The following SCN3A variants were observed in gnomAD, a reference collection of about 807,000 sequenced individuals.
The protein encoded by SCN3A is sodium voltage-gated channel alpha subunit 3.
SCN3A carries 60 observed loss-of-function variants against 187.6 expected under a neutral mutation model. That is an observed-to-expected ratio of 0.32 (90% CI 0.26 to 0.40). SCN3A has a LOEUF of 0.40. Among genes scored for constraint, SCN3A ranks in the 10% least tolerant of loss-of-function variants. The pLI is 1.00. For missense variants in SCN3A, 1,601 were observed against 2,428.2 expected (o/e 0.66, Z 7.16); for synonymous variants, 788 against 829.2 (o/e 0.95, Z 0.85).
At chr2:165,189,433 GC>G (rs1322558244) in intron 1 of SCN3A, among the ~76,000 whole-genome samples, 5 of 152,124 alleles carry the variant, frequency 3.3e-5, no homozygotes, top group Non-Finnish European at 5.9e-5. Flanking sequence ...AAAACGGTTA[GC>G]CTGCATTTGA....
intron 9 of SCN3A, 121 bp downstream of exon 9, chr2:165,162,187 C>A: frequency 1.1e-6 from 1 of 873,092 alleles, no homozygotes. Flanking sequence ...CCTAGGGGAG[C>A]AGCACTGCTC....
At chr2:165,192,913 C>G (rs1420411230) in intron 1 of SCN3A, among the ~76,000 whole-genome samples, 3 of 152,114 alleles carry the variant, frequency 2.0e-5, no homozygotes, top group Non-Finnish European at 2.9e-5. Context: ...TGCAAACATT[C>G]TGTTCAACGT....
At chr2:165,185,974 A>G (rs1006835208) in intron 2 of SCN3A, among the ~76,000 whole-genome samples, 2 of 152,124 alleles carry the variant, frequency 1.3e-5, no homozygotes, top group African/African-American at 4.8e-5. Flanking sequence ...AAAGAAAAAT[A>G]TATAAAAAAC....
chr2:165,118,469 A>G (rs1304122022), intron 18 of SCN3A, among the ~76,000 whole-genome samples: 2 of 152,202 alleles, frequency 1.3e-5, no homozygotes, highest in Non-Finnish European at 2.9e-5. Flanking sequence ...AGCTTAGAAG[A>G]CGGTAGATTA....
chr2:165,143,118 T>C (rs1688112198), intron 12 of SCN3A, among the ~76,000 whole-genome samples: 1 of 152,130 alleles, frequency 6.6e-6, no homozygotes, highest in Admixed American at 6.5e-5. Context: ...TATATATTTT[T>C]AGGTCCCAGA....
At chr2:165,193,330 A>G (rs1691730897) in intron 1 of SCN3A, among the ~76,000 whole-genome samples, 1 of 152,178 alleles carries the variant, frequency 6.6e-6, no homozygotes, top group African/African-American at 2.4e-5. Context: ...ACCATAGTGA[A>G]AAAGCTACTT....
intron 12 of SCN3A, among the ~76,000 whole-genome samples, chr2:165,146,410 GTGTGTGTGTA>G: frequency 7.0e-6 from 1 of 143,044 alleles, no homozygotes; most frequent in Non-Finnish European, 1.5e-5. Flanking sequence ...GTGTGTGTGT[GTGTGTGTGTA>G]TAGACACATA....
rs912051042 is a variant in SCN3A, at chr2:165,091,117, T to C, written c.5036A>G (p.Tyr1679Cys). 7 of 1,613,914 alleles carry C rather than the reference T, an allele frequency of 4.3e-6. No individual in the cohort carries two copies. Among genetic ancestry groups the C allele is most frequent in the African/African-American group, 2.7e-5 (2 of 74,890 alleles). The change falls in exon 28 of 28, where the codon TAT becomes TGT. Residue 1679 changes from tyrosine to cysteine, a missense_variant. Transcript: ENST00000283254. ...ATCAATTCCAGCTTCCTTTTTAACA[T>C]AGGCAAAGTTGGACATCCCAAAGAT... ...YAIFGMSNFA[Y>C]VKKEAGIDDM...
At chr2:165,128,426 C>T (rs944281567) in intron 17 of SCN3A, among the ~76,000 whole-genome samples, 8 of 141,206 alleles carry the variant, frequency 5.7e-5, no homozygotes, top group African/African-American at 2.0e-4. Context: ...ATTCTGCCAA[C>T]GAGAGAGAGA....
intron 3 of SCN3A, 122 bp downstream of exon 3, chr2:165,176,009 G>A (rs997346358): frequency 5.8e-5 from 48 of 822,776 alleles, no homozygotes; most frequent in Non-Finnish European, 9.1e-5. Flanking sequence ...AAGTGACAGT[G>A]AAGAGTATTA....
chr2:165,116,901 C>T (rs1292500064), intron 18 of SCN3A, among the ~76,000 whole-genome samples: 1 of 150,456 alleles, frequency 6.6e-6, no homozygotes, highest in African/African-American at 2.4e-5. Flanking sequence ...AGAAGCTAGG[C>T]CATCACTTTT....
At chr2:165,118,984 G>C (rs1454236827) in intron 18 of SCN3A, among the ~76,000 whole-genome samples, 1 of 150,568 alleles carries the variant, frequency 6.6e-6, no homozygotes, top group Non-Finnish European at 1.5e-5. Context: ...GGATGGTCTT[G>C]ATCTCCTGAC....
intron 1 of SCN3A, among the ~76,000 whole-genome samples, chr2:165,191,801 C>CT (rs1691631589): frequency 1.3e-5 from 2 of 152,070 alleles, no homozygotes; most frequent in Admixed American, 6.6e-5. Context: ...GAATATTTGC[C>CT]TTTTTGGGGT....
intron 11 of SCN3A, among the ~76,000 whole-genome samples, chr2:165,149,933 A>G (rs895051406): frequency 1.2e-4 from 19 of 152,196 alleles, no homozygotes; most frequent in African/African-American, 4.3e-4. Flanking sequence ...TTTTATGTAT[A>G]TAATCCAGTT....
At chr2:165,202,007 C>T (rs756002746) in intron 1 of SCN3A, among the ~76,000 whole-genome samples, 8 of 152,052 alleles carry the variant, frequency 5.3e-5, no homozygotes, top group Non-Finnish European at 1.0e-4. Context: ...AGTAGCAGAA[C>T]ATGAACCAGA....
rs543261211 is a variant in SCN3A at position 165,152,013 on chromosome 2, G to A, written c.1380+2439C>T. On this transcript the variant is annotated intron_variant, in intron 11 of 27. Coordinates refer to ENST00000283254, the MANE Select transcript of SCN3A (RefSeq NM_006922.4). ...GGTCCTGCCTAACAAATTTTCAAAT[G>A]TTTAAAGATACAAAAGGATCAAACT... Among the ~76,000 whole-genome samples, 13 of 152,244 alleles carry A rather than the reference G, an allele frequency of 8.5e-5. No individual in the cohort carries two copies. The South Asian group carries it at 2.3e-3, about 27-fold the overall frequency.
intron 21 of SCN3A, among the ~76,000 whole-genome samples, chr2:165,103,669 C>T (rs1685715463): frequency 6.6e-6 from 1 of 152,068 alleles, no homozygotes; most frequent in South Asian, 2.1e-4. Flanking sequence ...AAGAATAATG[C>T]AGGATGGAGT....
chr2:165,177,591 A>G (rs1431328387), intron 2 of SCN3A, among the ~76,000 whole-genome samples: 4 of 152,268 alleles, frequency 2.6e-5, no homozygotes, highest in Non-Finnish European at 4.4e-5. Context: ...TGGAACCACA[A>G]TTGTGACTAC....
In SCN3A at chr2:165,090,915, A is replaced by G. The variant is rs959277809; in HGVS notation, c.5238T>C (p.Val1746=). 6 of 1,614,124 alleles carry G rather than the reference A, an allele frequency of 3.7e-6. No homozygotes were observed. The highest frequency in any genetic ancestry group is 5.1e-6 in the Non-Finnish European group (6 of 1,180,014). Residue 1746 remains valine (V), a synonymous_variant, in exon 28 of 28, where the codon GTT becomes GTC. Coordinates refer to ENST00000283254, the MANE Select transcript of SCN3A (RefSeq NM_006922.4). The surrounding 1 kb of genome is among the most constrained non-coding windows in gnomAD (Gnocchi z 4.0). ...SVKGDCGNPS[V]GIFFFVSYII... is the part of the protein sequence containing the mutation. ...TGTAACTGACAAAAAAGAAAATCCC[A>G]ACAGATGGGTTCCCACAGTCTCCCT...
Sources: gnomAD v4.1 joint callset for allele counts (sites outside exome capture counted in the v4.1 genomes callset) on GRCh38, gnomAD v4.1.1 for gene constraint, Gnocchi (gnomAD v3.1) non-coding constraint, MANE v1.5 for transcripts, NCBI Gene and HGNC (gene_info 2026-07-23, HGNC 2026-07-21) for gene names.